EYS: variants seen among roughly 807,000 people sequenced by gnomAD.
The protein encoded by EYS is EGF-like photoreceptor maintenance factor, also known as protein eyes shut homolog.
In EYS, 250 loss-of-function variants were observed where a neutral mutation model predicts 282.1. The ratio of observed to expected loss-of-function variants is 0.89; its 90% CI spans 0.80 to 0.98. EYS has a LOEUF of 0.98. Among genes scored for constraint, EYS ranks in the 50% least tolerant of loss-of-function variants. The probability of loss-of-function intolerance (pLI) is 0.00; values close to 1 mark genes in which losing one functional copy is unlikely to be tolerated. For missense variants in EYS, 4,016 were observed against 3,709.0 expected (o/e 1.08, Z -2.15); for synonymous variants, 1,355 against 1,282.9 (o/e 1.06, Z -1.20).
intron 26 of EYS, among the ~76,000 whole-genome samples, chr6:64,560,987 T>C (rs1353935464): frequency 6.6e-6 from 1 of 152,086 alleles, no homozygotes; most frequent in African/African-American, 2.4e-5. Context: ...AAAAGTTAAT[T>C]CAACATGATC....
intron 22 of EYS, among the ~76,000 whole-genome samples, chr6:64,697,478 T>C (rs1011313143): frequency 2.0e-5 from 3 of 152,138 alleles, no homozygotes; most frequent in Non-Finnish European, 4.4e-5. Context: ...GGACATGTCA[T>C]TGAGATAGAA....
At chr6:64,760,463 A>G (rs1773122188) in intron 22 of EYS, among the ~76,000 whole-genome samples, 1 of 152,114 alleles carries the variant, frequency 6.6e-6, no homozygotes, top group Non-Finnish European at 1.5e-5. Context: ...CATAGAGTAA[A>G]AATGGCATCA....
intron 26 of EYS, among the ~76,000 whole-genome samples, chr6:64,463,021 A>G (rs1172286543): frequency 1.4e-5 from 2 of 139,748 alleles, no homozygotes; most frequent in South Asian, 4.4e-4. Flanking sequence ...TCTCGGGCTC[A>G]CTGCAAGCTT....
At chr6:65,555,052 T>C (rs369717727) in intron 2 of EYS, among the ~76,000 whole-genome samples, 1 of 152,070 alleles carries the variant, frequency 6.6e-6, no homozygotes, top group African/African-American at 2.4e-5. Context: ...GGTGTAATTA[T>C]ATTCCAAAGA....
In EYS at chr6:64,740,180, T is replaced by A. The variant is rs535989543; in HGVS notation, c.3443+73198A>T. 2.0e-5 allele frequency among the ~76,000 whole-genome samples: 3 copies of A among 152,128 alleles called. No individual in the cohort carries two copies. In the East Asian group the frequency reaches 5.8e-4, roughly 29 times the overall value. ...CCTCATCAGAACCCCCAGCACAATC[T>A]ACATAATCACAATAAATTTACATAA... On this transcript the variant is annotated intron_variant, in intron 22 of 42. Transcript: ENST00000503581.
At position 65,202,098 on chromosome 6, in the gene EYS, C is replaced by A. The variant is rs367623770; in HGVS notation, c.2023+93765G>T. Among the ~76,000 whole-genome samples, 3 of 151,054 alleles carry A rather than the reference C, an allele frequency of 2.0e-5. No homozygotes were observed. The East Asian group carries it at 5.8e-4, about 29-fold the overall frequency. On this transcript the variant is annotated intron_variant, in intron 12 of 42. Coordinates refer to ENST00000503581, the MANE Select transcript of EYS (RefSeq NM_001142800.2). ...GTGCACTCCAGCCTGGGTGACAGAG[C>A]GAGACTCCATCTAAAAAAAAAAAAT...
chr6:64,297,465 A>G (rs1769072415), intron 30 of EYS, among the ~76,000 whole-genome samples: 1 of 152,258 alleles, frequency 6.6e-6, no homozygotes, highest in Non-Finnish European at 1.5e-5. Flanking sequence ...AGCTACATGG[A>G]TACATATTAA....
intron 13 of EYS, among the ~76,000 whole-genome samples, chr6:65,003,687 T>C (rs1318736966): frequency 1.0e-4 from 15 of 147,200 alleles, no homozygotes; most frequent in Admixed American, 1.0e-3. Flanking sequence ...TCTTTTGTAC[T>C]CTGTCCCTTT....
At chr6:65,611,393 C>CTTT (rs1765994263) in intron 2 of EYS, among the ~76,000 whole-genome samples, 1 of 151,796 alleles carries the variant, frequency 6.6e-6, no homozygotes, top group East Asian at 1.9e-4. Flanking sequence ...TAAAGTATAC[C>CTTT]TTCAGTATGA....
chr6:64,372,959 C>T (rs898451247), intron 29 of EYS, among the ~76,000 whole-genome samples: 1 of 152,108 alleles, frequency 6.6e-6, no homozygotes, highest in Admixed American at 6.5e-5. Context: ...TCTACCAGCT[C>T]CTATACTGTT....
chr6:64,809,554 T>C (rs9345526), intron 22 of EYS, among the ~76,000 whole-genome samples: 88,676 of 151,814 alleles, frequency 0.58, 26,922 homozygotes, highest in Admixed American at 0.72. Context: ...ATAGCAAGGA[T>C]ATAGAATCAA....
At chr6:65,332,267 A>C in intron 11 of EYS, 1 of 663,142 alleles carries the variant, frequency 1.5e-6, no homozygotes, top group Non-Finnish European at 2.8e-6. Flanking sequence ...TTTCTTCTTT[A>C]TTTATTCTAT....
intron 22 of EYS, among the ~76,000 whole-genome samples, chr6:64,696,419 A>G (rs1393169514): frequency 1.3e-5 from 2 of 152,212 alleles, no homozygotes; most frequent in African/African-American, 2.4e-5. Flanking sequence ...GGGAGAAGAA[A>G]TGAAACATCT....
chr6:64,974,880 T>G (rs1448113970), intron 14 of EYS, among the ~76,000 whole-genome samples: 1 of 151,848 alleles, frequency 6.6e-6, no homozygotes, highest in Non-Finnish European at 1.5e-5. Flanking sequence ...AATATTACAT[T>G]GAATGGACTT....
chr6:63,732,020 G>A (rs1007571644), intron 41 of EYS, among the ~76,000 whole-genome samples: 4 of 152,158 alleles, frequency 2.6e-5, no homozygotes, highest in Non-Finnish European at 5.9e-5. Context: ...TGATGAGAGG[G>A]TTCCCTGTTA....
At chr6:63,857,431 A>G (rs1772423105) in intron 36 of EYS, 1 of 188,608 alleles carries the variant, frequency 5.3e-6, no homozygotes, top group East Asian at 1.3e-4. Context: ...CAGTATTTGT[A>G]TCTGTATGAG....
intron 2 of EYS, among the ~76,000 whole-genome samples, chr6:65,496,893 C>T (rs1766276805): frequency 6.6e-6 from 1 of 151,958 alleles, no homozygotes; most frequent in Non-Finnish European, 1.5e-5. Flanking sequence ...GTAAGTCTAA[C>T]ATTTTAATGG....
chr6:64,835,480 T>TA (rs1765355604), intron 19 of EYS, among the ~76,000 whole-genome samples: 1 of 87,726 alleles, frequency 1.1e-5, no homozygotes, highest in Admixed American at 1.2e-4. Context: ...GGCTGAGAAT[T>TA]TAAAAAAAAC....
intron 35 of EYS, among the ~76,000 whole-genome samples, chr6:63,979,080 T>C (rs895809966): frequency 6.6e-6 from 1 of 151,966 alleles, no homozygotes; most frequent in Non-Finnish European, 1.5e-5. Context: ...TCTAGCTCAA[T>C]TAGTTGAATA....
Sources: gnomAD v4.1 joint callset for allele counts (sites outside exome capture counted in the v4.1 genomes callset) on GRCh38, gnomAD v4.1.1 for gene constraint, MANE v1.5 for transcripts, NCBI Gene and HGNC (gene_info 2026-07-23, HGNC 2026-07-21) for gene names.